Variants in TRIT1 observed in about 807,000 individuals in gnomAD.
The protein encoded by TRIT1 is tRNA isopentenyltransferase 1.
Under a neutral mutation model 51.2 loss-of-function variants are expected in TRIT1, and 43 were observed. That is an observed-to-expected ratio of 0.84 (90% confidence interval 0.66 to 1.08). TRIT1 has a LOEUF of 1.08. Ranked by LOEUF, TRIT1 falls within the 50% of genes least tolerant of loss-of-function variation. The pLI is 0.00. For missense variants in TRIT1, 528 were observed against 578.4 expected (o/e 0.91, Z 0.89); for synonymous variants, 184 against 203.9 (o/e 0.90, Z 0.83).
chr1:39,846,321 A>C (rs1464124348), intron 8 of TRIT1, among the ~76,000 whole-genome samples: 1 of 152,248 alleles, frequency 6.6e-6, no homozygotes, highest in Non-Finnish European at 1.5e-5. Context: ...TCTGTAATTG[A>C]GAGCAGAAGT....
At chr1:39,865,108 C>A (rs1045923334) in intron 1 of TRIT1, among the ~76,000 whole-genome samples, 1 of 152,170 alleles carries the variant, frequency 6.6e-6, no homozygotes, top group Non-Finnish European at 1.5e-5. Flanking sequence ...ACACTGACTG[C>A]CAAATATAAC....
intron 1 of TRIT1, among the ~76,000 whole-genome samples, chr1:39,874,325 A>G (rs182434671): frequency 6.6e-6 from 1 of 152,320 alleles, no homozygotes; most frequent in Admixed American, 6.5e-5. Flanking sequence ...AGATGCCAGG[A>G]ACCCACCTCC....
At chr1:39,867,406 A>G (rs2124653019) in intron 1 of TRIT1, among the ~76,000 whole-genome samples, 1 of 152,306 alleles carries the variant, frequency 6.6e-6, no homozygotes, top group East Asian at 1.9e-4. Context: ...TGGCTTCCCA[A>G]AGTGCTGGGA....
At chr1:39,848,498 C>T (rs1642366708) in intron 5 of TRIT1, among the ~76,000 whole-genome samples, 1 of 151,388 alleles carries the variant, frequency 6.6e-6, no homozygotes, top group Admixed American at 6.6e-5. Flanking sequence ...CTAGATGACA[C>T]CTTGGATAAG....
At chr1:39,870,231 A>G (rs1570107010) in intron 1 of TRIT1, among the ~76,000 whole-genome samples, 2 of 152,282 alleles carry the variant, frequency 1.3e-5, no homozygotes, top group African/African-American at 4.8e-5. Context: ...TGCTCTCTGA[A>G]ACATGTGCTG....
intron 1 of TRIT1, among the ~76,000 whole-genome samples, chr1:39,877,311 C>A (rs1644101835): frequency 5.2e-5 from 7 of 135,672 alleles, no homozygotes. Context: ...TCAGCCTGGG[C>A]AACATGGTGC....
chr1:39,863,524 A>T (rs1311216807), intron 1 of TRIT1, among the ~76,000 whole-genome samples: 1 of 152,220 alleles, frequency 6.6e-6, no homozygotes, highest in Non-Finnish European at 1.5e-5. Context: ...ATTAAAGAAG[A>T]TACATGATAC....
At chr1:39,864,049 G>A (rs1056706265) in intron 1 of TRIT1, among the ~76,000 whole-genome samples, 7 of 152,000 alleles carry the variant, frequency 4.6e-5, no homozygotes, top group South Asian at 2.1e-4. Context: ...CTGCCACCAC[G>A]CCTGGCTAGT....
At chr1:39,867,369 T>C (rs1266817222) in intron 1 of TRIT1, among the ~76,000 whole-genome samples, 1 of 152,134 alleles carries the variant, frequency 6.6e-6, no homozygotes, top group East Asian at 1.9e-4. Context: ...AGTCTCGAAC[T>C]CCCAACCTCA....
chr1:39,842,620 G>A (rs1641976652), intron 10 of TRIT1, among the ~76,000 whole-genome samples: 1 of 152,168 alleles, frequency 6.6e-6, no homozygotes, highest in Non-Finnish European at 1.5e-5. Context: ...CTGCTGACCT[G>A]TCACCCCTAA....
intron 1 of TRIT1, among the ~76,000 whole-genome samples, chr1:39,883,045 C>A (rs891939593): frequency 3.9e-5 from 6 of 152,192 alleles, no homozygotes; most frequent in Admixed American, 1.3e-4. Flanking sequence ...TGGAAAAAAT[C>A]GTTTCACCTC....
intron 1 of TRIT1, among the ~76,000 whole-genome samples, chr1:39,871,011 T>A (rs988784563): frequency 6.6e-6 from 1 of 152,108 alleles, no homozygotes; most frequent in Non-Finnish European, 1.5e-5. Context: ...CTGACCAATA[T>A]GGAGAAACTA....
At chr1:39,847,030 A>ATT (rs11285784) in intron 8 of TRIT1, 190 bp downstream of exon 8, 1,951 of 471,900 alleles carry the variant, frequency 4.1e-3, no homozygotes, top group South Asian at 8.2e-3. Context: ...AATGCAAATA[A>ATT]TTTTTTTTTT....
Position 39,841,536 on chromosome 1 carries a change from A to T in TRIT1, c.*208T>A, listed in dbSNP as rs1641902562. 2.1e-6 allele frequency: 1 copy of T among 474,302 alleles called. No individual in the cohort carries two copies. The highest frequency in any genetic ancestry group is 3.2e-5 in the East Asian group (1 of 31,402). 29.4% of individuals were successfully genotyped at this position (474,302 alleles called of 1,614,324 possible). A position where few individuals can be genotyped will look rare whatever the true frequency, so the allele number is the denominator to read the frequency against. On this transcript the variant is annotated 3_prime_UTR_variant, in exon 11 of 11. Transcript: ENST00000316891. ...CCTGAACTACATCATTTCCAGACAC[A>T]TCAGCCACACAAGGAGCTGACAAGA...
At chr1:39,876,230 T>G (rs972614880) in intron 1 of TRIT1, 1 of 152,298 alleles carries the variant, frequency 6.6e-6, no homozygotes, top group Non-Finnish European at 1.5e-5. Context: ...AAATATATCT[T>G]TTTGAAGTGG....
chr1:39,862,218 T>C (rs1246707381), intron 1 of TRIT1, among the ~76,000 whole-genome samples: 1 of 152,184 alleles, frequency 6.6e-6, no homozygotes, highest in Admixed American at 6.5e-5. Context: ...GTAGTAATGG[T>C]TGCAGAACAA....
intron 1 of TRIT1, among the ~76,000 whole-genome samples, chr1:39,880,989 G>A (rs137882240): frequency 0.078 from 11,832 of 151,934 alleles, 611 homozygotes; most frequent in South Asian, 0.12. Context: ...AGGCTGGAGC[G>A]GGTGGATCAC....
chr1:39,844,040 T>C (rs1020972689), intron 10 of TRIT1, 61 bp downstream of exon 10: 1 of 1,194,192 alleles, frequency 8.4e-7, no homozygotes, highest in African/African-American at 1.5e-5. Flanking sequence ...GACTCTAAAT[T>C]TCATGAAGTC....
chr1:39,856,075 G>A lies in TRIT1; in HGVS notation c.315+1202C>T, dbSNP rs141983964. ...TTATCCCAGCACTTTGGAAGGCCGA[G>A]GCAGGTGGATCACGAGGTCAGGAGT... On this transcript the variant is annotated intron_variant, in intron 2 of 10. Transcript: ENST00000316891. Among the ~76,000 whole-genome samples the A allele has an allele frequency of 1.2e-4, 18 of 152,258 alleles. No homozygotes were observed. The East Asian group carries it at 3.1e-3, about 26-fold the overall frequency.
Sources: gnomAD v4.1 joint callset for allele counts (sites outside exome capture counted in the v4.1 genomes callset) on GRCh38, gnomAD v4.1.1 for gene constraint, MANE v1.5 for transcripts, NCBI Gene and HGNC (gene_info 2026-07-23, HGNC 2026-07-21) for gene names.